Variants in SYNPR observed in about 807,000 individuals in gnomAD.
The protein encoded by SYNPR is synaptoporin.
In SYNPR, 23 loss-of-function variants were observed where a neutral mutation model predicts 32.9. That is an observed-to-expected ratio of 0.70 (90% confidence interval 0.50 to 0.99). The LOEUF is 0.99. Ranked by LOEUF, SYNPR falls within the 50% of genes least tolerant of loss-of-function variation. The pLI is 0.00. For missense variants in SYNPR, 318 were observed against 349.3 expected (o/e 0.91, Z 0.71); for synonymous variants, 146 against 135.9 (o/e 1.07, Z -0.52).
At chr3:63,517,645 G>T (rs866859380) in intron 3 of SYNPR, among the ~76,000 whole-genome samples, 1 of 152,010 alleles carries the variant, frequency 6.6e-6, no homozygotes, top group Non-Finnish European at 1.5e-5. Flanking sequence ...AAAGCTTTGC[G>T]TTCTCCAAAG....
chr3:63,277,910 T>A (rs1321939614), upstream of SYNPR, among the ~76,000 whole-genome samples: 1 of 152,216 alleles, frequency 6.6e-6, no homozygotes, highest in Non-Finnish European at 1.5e-5. Flanking sequence ...CCATAAAGGC[T>A]TGAAGGAATG....
At chr3:63,475,674 A>T (rs1426710872) in intron 2 of SYNPR, among the ~76,000 whole-genome samples, 1 of 152,058 alleles carries the variant, frequency 6.6e-6, no homozygotes. Flanking sequence ...TCAAATGGAG[A>T]TCTGTCTCTC....
intron 2 of SYNPR, among the ~76,000 whole-genome samples, chr3:63,372,912 C>T (rs1247556914): frequency 1.3e-5 from 2 of 152,172 alleles, no homozygotes; most frequent in Non-Finnish European, 2.9e-5. Flanking sequence ...TGAACAAGAG[C>T]CTACCAACTG....
At chr3:63,410,036 C>CAA (rs34555904) in intron 2 of SYNPR, among the ~76,000 whole-genome samples, 122 of 151,674 alleles carry the variant, frequency 8.0e-4, no homozygotes, top group Admixed American at 7.6e-3. Context: ...TGGACAAGAA[C>CAA]AAAAAAAACA....
At chr3:63,508,221 G>A (rs750676529) in intron 3 of SYNPR, among the ~76,000 whole-genome samples, 1 of 152,048 alleles carries the variant, frequency 6.6e-6, no homozygotes, top group Non-Finnish European at 1.5e-5. Context: ...CTTTCTTGCT[G>A]TAGACTCACC....
intron 4 of SYNPR, among the ~76,000 whole-genome samples, chr3:63,588,786 G>C (rs1260447742): frequency 6.6e-6 from 1 of 152,016 alleles, no homozygotes; most frequent in Non-Finnish European, 1.5e-5. Context: ...AGAAAGGCAG[G>C]AGTACTCTTC....
intron 3 of SYNPR, among the ~76,000 whole-genome samples, chr3:63,543,927 G>A (rs1702351891): frequency 6.6e-6 from 1 of 152,066 alleles, no homozygotes; most frequent in South Asian, 2.1e-4. Flanking sequence ...AATAAGGTGG[G>A]TGGCGGGGCG....
intron 2 of SYNPR, among the ~76,000 whole-genome samples, chr3:63,416,432 T>C (rs1171907401): frequency 6.7e-6 from 1 of 150,082 alleles, no homozygotes; most frequent in Non-Finnish European, 1.5e-5. Flanking sequence ...TTCTGGTGGC[T>C]GAGGTGGGCG....
chr3:63,571,715 T>G (rs940024347), intron 4 of SYNPR, among the ~76,000 whole-genome samples: 2 of 152,166 alleles, frequency 1.3e-5, no homozygotes, highest in African/African-American at 2.4e-5. Flanking sequence ...TAAAGTAATT[T>G]GATTGATATA....
chr3:63,537,219 A>G (rs1326384782), intron 3 of SYNPR, among the ~76,000 whole-genome samples: 1 of 151,974 alleles, frequency 6.6e-6, no homozygotes, highest in Non-Finnish European at 1.5e-5. Context: ...TACCTCCCCA[A>G]ACTTGCCATT....
intron 3 of SYNPR, among the ~76,000 whole-genome samples, chr3:63,497,068 T>G (rs972439391): frequency 3.3e-5 from 5 of 152,156 alleles, no homozygotes; most frequent in Non-Finnish European, 5.9e-5. Flanking sequence ...TGCATAAATA[T>G]TCCTGAAATC....
intron 1 of SYNPR, among the ~76,000 whole-genome samples, chr3:63,240,115 A>C (rs1043058526): frequency 6.6e-6 from 1 of 152,036 alleles, no homozygotes; most frequent in African/African-American, 2.4e-5. Flanking sequence ...CTTACTCCTC[A>C]TGAGTTTTGT....
At chr3:63,462,191 T>C (rs1700595974) in intron 2 of SYNPR, among the ~76,000 whole-genome samples, 1 of 152,088 alleles carries the variant, frequency 6.6e-6, no homozygotes, top group African/African-American at 2.4e-5. Context: ...TTCTGTCTTT[T>C]GGGCCAGACA....
At chr3:63,313,680 C>CATATATATCTATAT (rs1166895185) in intron 2 of SYNPR, among the ~76,000 whole-genome samples, 1,787 of 62,854 alleles carry the variant, frequency 0.028, 482 homozygotes, top group Non-Finnish European at 0.041. Flanking sequence ...AATTAATACA[C>CATATATATCTATAT]ATATATATCC....
chr3:63,240,729 T>C (rs2086235199), intron 1 of SYNPR, among the ~76,000 whole-genome samples: 2 of 152,146 alleles, frequency 1.3e-5, no homozygotes, highest in African/African-American at 4.8e-5. Flanking sequence ...CTGGAGTCAT[T>C]GCCAGTTACA....
At chr3:63,455,958 G>C (rs761846646) in intron 2 of SYNPR, among the ~76,000 whole-genome samples, 54 of 152,052 alleles carry the variant, frequency 3.6e-4, no homozygotes, top group Middle Eastern at 3.2e-3. Flanking sequence ...AAAAGAAAGA[G>C]GTTTAATGGA....
At chr3:63,414,007 T>C (rs1373558062) in intron 2 of SYNPR, among the ~76,000 whole-genome samples, 4 of 150,202 alleles carry the variant, frequency 2.7e-5, no homozygotes, top group African/African-American at 4.9e-5. Context: ...TAAATATATA[T>C]ACATATATAT....
In SYNPR at chr3:63,533,296, A is replaced by G. The variant is rs1184463011; in HGVS notation, c.210-23247A>G. On this transcript the variant is annotated intron_variant, in intron 3 of 5. Transcript: ENST00000478300. ...ACTATCTCCTCTTACACAAGGTCTTAATCAAATCCCTTGGAAGAGAGCTCT... is the reference window on the plus strand; with the variant it reads ...ACTATCTCCTCTTACACAAGGTCTTGATCAAATCCCTTGGAAGAGAGCTCT... Among the ~76,000 whole-genome samples, 8 of 151,978 alleles carry G rather than the reference A, an allele frequency of 5.3e-5. No individual in the cohort carries two copies. In the East Asian group the frequency reaches 7.7e-4, roughly 15 times the overall value.
At chr3:63,545,129 A>G (rs578138988) in intron 3 of SYNPR, among the ~76,000 whole-genome samples, 4 of 152,094 alleles carry the variant, frequency 2.6e-5, no homozygotes, top group African/African-American at 9.6e-5. Context: ...GCTGGGACTG[A>G]TACTTGAATA....
Sources: allele counts gnomAD v4.1 joint callset (sites outside exome capture counted in the v4.1 genomes callset), GRCh38; gene constraint gnomAD v4.1.1; transcripts MANE v1.5; gene names NCBI Gene and HGNC (gene_info 2026-07-23, HGNC 2026-07-21).